RBM20: variants seen among roughly 807,000 people sequenced by gnomAD.
The protein encoded by RBM20 is RNA-binding protein 20.
RBM20 carries 51 observed loss-of-function variants against 110.1 expected under a neutral mutation model. The ratio of observed to expected loss-of-function variants is 0.46; its 90% CI spans 0.37 to 0.59. RBM20 has a LOEUF of 0.59. Among genes scored for constraint, RBM20 ranks in the 20% least tolerant of loss-of-function variants. RBM20 has a pLI of 0.00. For missense variants in RBM20, 1,512 were observed against 1,574.9 expected (o/e 0.96, Z 0.68); for synonymous variants, 589 against 618.2 (o/e 0.95, Z 0.70).
At chr10:110,797,758 G>T (rs1844570882) in intron 6 of RBM20, 110 bp downstream of exon 6, 1 of 1,158,996 alleles carries the variant, frequency 8.6e-7, no homozygotes, top group Non-Finnish European at 1.2e-6. Flanking sequence ...AGGCGATGCC[G>T]TAGCTGGCCT....
rs897612382 is a variant in RBM20, at chr10:110,838,185, A to T, written c.*2207A>T. 2.0e-5 allele frequency: 3 copies of T among 152,202 alleles called. No homozygotes were observed. The highest frequency in any genetic ancestry group is 6.5e-5 in the Admixed American group (1 of 15,280). 9.4% of individuals were successfully genotyped at this position (152,202 alleles called of 1,614,324 possible). A position where few individuals can be genotyped will look rare whatever the true frequency, so the allele number is the denominator to read the frequency against. The stretch of plus-strand genomic sequence containing the variant: ...TCTATAAAGCCAACCTCCTCCGCTC[A>T]GCTCATGGGAACACTCATTCTATTT... On this transcript the variant is annotated 3_prime_UTR_variant, in exon 14 of 14. Transcript: ENST00000369519.
chr10:110,730,047 AC>A (rs1191291376), intron 1 of RBM20, among the ~76,000 whole-genome samples: 1 of 151,990 alleles, frequency 6.6e-6, no homozygotes, highest in Non-Finnish European at 1.5e-5. Context: ...CAAACTCCCA[AC>A]CTCAGGTGAT....
chr10:110,708,699 G>A (rs904480423), intron 1 of RBM20, among the ~76,000 whole-genome samples: 4 of 152,150 alleles, frequency 2.6e-5, no homozygotes, highest in Non-Finnish European at 4.4e-5. Flanking sequence ...TTACAACAAG[G>A]CGGAATTATT....
At chr10:110,717,370 A>G (rs1303673945) in intron 1 of RBM20, among the ~76,000 whole-genome samples, 1 of 152,006 alleles carries the variant, frequency 6.6e-6, no homozygotes, top group Non-Finnish European at 1.5e-5. Flanking sequence ...TCTCCAGAAA[A>G]ATTCCATCTG....
At chr10:110,762,012 G>C (rs189613594) in intron 1 of RBM20, among the ~76,000 whole-genome samples, 24 of 152,358 alleles carry the variant, frequency 1.6e-4, no homozygotes, top group Admixed American at 3.3e-4. Flanking sequence ...TTGGAGACCA[G>C]ACTGACCAAC....
At chr10:110,772,524 C>T in intron 1 of RBM20, among the ~76,000 whole-genome samples, 1 of 152,182 alleles carries the variant, frequency 6.6e-6, no homozygotes. Context: ...TAGATATGCA[C>T]AAATACTCAC....
In RBM20 at chr10:110,715,592, A is replaced by G. The variant is rs184148819; in HGVS notation, c.192-65209A>G. 3.4e-3 allele frequency among the ~76,000 whole-genome samples: 517 copies of G among 152,362 alleles called. 2 individuals carry two copies. Among genetic ancestry groups the G allele is most frequent in the African/African-American group, 0.012 (496 of 41,584 alleles). Reference sequence around the variant, plus strand: ...AGCCACAAAACCCCAGAGGTTTAATACAACAAAAATTTTATTTCTCACTCA... The same window carrying G: ...AGCCACAAAACCCCAGAGGTTTAATGCAACAAAAATTTTATTTCTCACTCA... On this transcript the variant is annotated intron_variant, in intron 1 of 13. Transcript: ENST00000369519.
At chr10:110,699,413 AG>A (rs1249856524) in intron 1 of RBM20, among the ~76,000 whole-genome samples, 1 of 151,936 alleles carries the variant, frequency 6.6e-6, no homozygotes, top group African/African-American at 2.4e-5. Context: ...CTGAGATTAC[AG>A]GCGCTGACCA....
At chr10:110,685,962 A>G (rs1357435768) in intron 1 of RBM20, among the ~76,000 whole-genome samples, 4 of 152,228 alleles carry the variant, frequency 2.6e-5, no homozygotes, top group African/African-American at 9.6e-5. Flanking sequence ...CCTCACAGGT[A>G]TTTAACGTAA....
At chr10:110,835,610 C>T in intron 13 of RBM20, 1 of 253,028 alleles carries the variant, frequency 4.0e-6, no homozygotes, top group Non-Finnish European at 7.5e-6. Flanking sequence ...GCTGGGATTA[C>T]AGGTGTGAGA....
intron 1 of RBM20, among the ~76,000 whole-genome samples, chr10:110,706,022 A>C (rs1476499673): frequency 6.6e-6 from 1 of 152,044 alleles, no homozygotes; most frequent in Non-Finnish European, 1.5e-5. Context: ...TGGCGTTTGC[A>C]GTGAGCCAGA....
Position 110,820,250 on chromosome 10 carries a change from T to C in RBM20, c.2655+74T>C. ...CAGGAGTCCCCCTTTTGCCTGGTGATGTCCTGCTGGATGGAATATGGCTGA... is the reference window on the plus strand; with the variant it reads ...CAGGAGTCCCCCTTTTGCCTGGTGACGTCCTGCTGGATGGAATATGGCTGA... On this transcript the variant is annotated intron_variant, in intron 10 of 13. Transcript: ENST00000369519. 9 of 986,088 alleles carry C rather than the reference T, an allele frequency of 9.1e-6. No homozygotes were observed. In the South Asian group the frequency reaches 9.9e-5, roughly 11 times the overall value. The allele number at this position is 986,088 out of a possible 1,614,324, so 61.1% of individuals were successfully genotyped here. A position where few individuals can be genotyped will look rare whatever the true frequency, so the allele number is the denominator to read the frequency against.
chr10:110,737,893 T>C (rs10787274), intron 1 of RBM20, among the ~76,000 whole-genome samples: 110,333 of 152,010 alleles, frequency 0.73, 41,284 homozygotes, highest in African/African-American at 0.93. Flanking sequence ...GGAGAACATA[T>C]GTACACATTT....
At chr10:110,822,554 T>C in intron 11 of RBM20, 1 of 448,264 alleles carries the variant, frequency 2.2e-6, no homozygotes, top group African/African-American at 2.0e-5. Flanking sequence ...AGCCCCGTCT[T>C]CTCTGCCAAG....
At chr10:110,661,312 C>T (rs1044823952) in intron 1 of RBM20, among the ~76,000 whole-genome samples, 1 of 152,156 alleles carries the variant, frequency 6.6e-6, no homozygotes, top group African/African-American at 2.4e-5. Context: ...CCTGGGCACC[C>T]GTGACTTGGT....
Position 110,644,430 on chromosome 10 carries a change from C to T in RBM20, c.-25C>T. ...GCCCCTCCCTTGAGCTCTCTCGCCG[C>T]GATCCCGGGCGGGTCTCGCCCCGCA... On this transcript the variant is annotated 5_prime_UTR_variant, in exon 1 of 14. Coordinates refer to ENST00000369519, the MANE Select transcript of RBM20 (RefSeq NM_001134363.3). This position sits in a 1 kb window ranked among gnomAD's most constrained non-coding sequence, Gnocchi z 4.3. The T allele has an allele frequency of 1.4e-6, 2 of 1,449,932 alleles. No homozygotes were observed. The highest frequency in any genetic ancestry group is 1.8e-6 in the Non-Finnish European group (2 of 1,105,686). 89.8% of individuals were successfully genotyped at this position (1,449,932 alleles called of 1,614,324 possible).
At chr10:110,745,433 C>G (rs1229969227) in intron 1 of RBM20, among the ~76,000 whole-genome samples, 2 of 152,144 alleles carry the variant, frequency 1.3e-5, no homozygotes, top group Non-Finnish European at 1.5e-5. Flanking sequence ...CTGACAGTGG[C>G]TGGGGATCTT....
chr10:110,807,480 G>T (rs1844709062), intron 7 of RBM20, among the ~76,000 whole-genome samples: 1 of 152,212 alleles, frequency 6.6e-6, no homozygotes, highest in Non-Finnish European at 1.5e-5. Context: ...CTCACTGGGG[G>T]CACCCCTGAG....
At chr10:110,696,973 G>C (rs1217262180) in intron 1 of RBM20, among the ~76,000 whole-genome samples, 1 of 152,046 alleles carries the variant, frequency 6.6e-6, no homozygotes, top group African/African-American at 2.4e-5. Context: ...TGCCACCAAA[G>C]GCAACCCCCA....
Sources: allele counts gnomAD v4.1 joint callset (sites outside exome capture counted in the v4.1 genomes callset), GRCh38; gene constraint gnomAD v4.1.1; non-coding constraint Gnocchi (gnomAD v3.1); transcripts MANE v1.5; gene names NCBI Gene and HGNC (gene_info 2026-07-23, HGNC 2026-07-21).